The following CEP170 variants were observed in gnomAD, a reference collection of about 807,000 sequenced individuals.
The protein encoded by CEP170 is centrosomal protein of 170 kDa.
Under a neutral mutation model 151.9 loss-of-function variants are expected in CEP170, and 21 were observed. The observed-to-expected ratio is 0.14, with a 90% CI of 0.10 to 0.20. CEP170 has a LOEUF of 0.20. Ranked by LOEUF, CEP170 falls within the 10% of genes least tolerant of loss-of-function variation. CEP170 has a pLI of 1.00. For missense variants in CEP170, 964 were observed against 1,892.9 expected, an observed-to-expected ratio of 0.51 and a Z score of 9.11; for synonymous variants, 356 against 648.8, an observed-to-expected ratio of 0.55 and a Z score of 6.86.
intron 17 of CEP170, among the ~76,000 whole-genome samples, chr1:243,130,559 C>T (rs1302856103): frequency 6.6e-6 from 1 of 152,194 alleles, no homozygotes; most frequent in Non-Finnish European, 1.5e-5. Flanking sequence ...GATGTAAATA[C>T]TAGCTACTTT....
intron 17 of CEP170, among the ~76,000 whole-genome samples, chr1:243,131,625 A>G (rs972211882): frequency 1.3e-5 from 2 of 152,058 alleles, no homozygotes; most frequent in Non-Finnish European, 2.9e-5. Context: ...TTTAATATTT[A>G]AATACTAGAG....
chr1:243,179,441 TTTC>T (rs2059475649), intron 10 of CEP170, among the ~76,000 whole-genome samples: 2 of 152,216 alleles, frequency 1.3e-5, no homozygotes, highest in African/African-American at 2.4e-5. Context: ...AATTTATACA[TTTC>T]TTCTTCTTCT....
intron 10 of CEP170, among the ~76,000 whole-genome samples, chr1:243,184,289 A>T (rs145299987): frequency 6.6e-6 from 1 of 152,114 alleles, no homozygotes; most frequent in Non-Finnish European, 1.5e-5. Context: ...AAGCACATGC[A>T]AAGTTTATAT....
chr1:243,151,234 C>G (rs2057043992), intron 14 of CEP170, among the ~76,000 whole-genome samples: 1 of 151,452 alleles, frequency 6.6e-6, no homozygotes, highest in African/African-American at 2.4e-5. Context: ...AAAATACAAC[C>G]TATCTTCTTT....
chr1:243,140,008 G>A lies in CEP170; in HGVS notation c.4159C>T (p.Pro1387Ser). 4 of 1,613,902 alleles carry A rather than the reference G, an allele frequency of 2.5e-6. 1 individual carries two copies. The South Asian group carries it at 4.4e-5, about 18-fold the overall frequency. The part of the protein sequence containing the change: ...PEGNNGRSGD[P>S]RPQAAEPPDH... ...GGAGGCTCTGCTGCTTGAGGTCTTG[G>A]ATCACCAGATCGACCGTTGTTTCCT... The change falls in exon 16 of 20, where the codon CCA becomes TCA. Residue 1387 changes from proline (P) to serine (S), a missense_variant. Coordinates refer to ENST00000366542, the MANE Select transcript of CEP170 (RefSeq NM_014812.3).
intron 14 of CEP170, among the ~76,000 whole-genome samples, chr1:243,147,640 T>C (rs1208595759): frequency 2.0e-5 from 3 of 152,222 alleles, no homozygotes; most frequent in African/African-American, 7.2e-5. Context: ...TATGGATCCT[T>C]GAAATGTTTC....
At chr1:243,244,474 G>A (rs765060641) in intron 1 of CEP170, among the ~76,000 whole-genome samples, 1 of 152,144 alleles carries the variant, frequency 6.6e-6, no homozygotes, top group Non-Finnish European at 1.5e-5. Flanking sequence ...CAGGAGCCGT[G>A]GCTCACGCCT....
At chr1:243,175,555 T>TA (rs1351688990) in intron 10 of CEP170, among the ~76,000 whole-genome samples, 5 of 152,202 alleles carry the variant, frequency 3.3e-5, no homozygotes, top group Non-Finnish European at 7.3e-5. Flanking sequence ...TCTATATACT[T>TA]AAAGTTAGTG....
Position 243,164,631 on chromosome 1 carries a change from T to C in CEP170, c.3329A>G (p.Glu1110Gly), listed in dbSNP as rs985399423. Residue 1110 changes from glutamate (E) to glycine (G), a missense_variant, in exon 13 of 20, where the codon GAA becomes GGA. By Grantham distance (98) the Glu-to-Gly change is moderately conservative. Coordinates refer to ENST00000366542, the MANE Select transcript of CEP170 (RefSeq NM_014812.3). The stretch of plus-strand genomic sequence containing the variant: ...ATCAGCAAGTTCACTGTCTGAAGCT[T>C]CACCAAGTCGTGCTCTGCGCAAGAG... ...TSLLRRARLG[E>G]ASDSELADAD... The C allele has an allele frequency of 6.2e-7, 1 of 1,613,644 alleles. No homozygotes were observed. Among genetic ancestry groups the C allele is most frequent in the African/African-American group, 1.3e-5 (1 of 74,906 alleles).
chr1:243,248,063 T>C (rs951719788), intron 1 of CEP170, among the ~76,000 whole-genome samples: 2 of 152,216 alleles, frequency 1.3e-5, no homozygotes, highest in African/African-American at 4.8e-5. Context: ...TTGGCCTCTT[T>C]ATGAGTAAAA....
At chr1:243,205,941 A>C (rs1481059656) in intron 4 of CEP170, among the ~76,000 whole-genome samples, 1 of 151,978 alleles carries the variant, frequency 6.6e-6, no homozygotes, top group African/African-American at 2.4e-5. Context: ...AGAAAGAAGA[A>C]GAAAGAAGGA....
intron 4 of CEP170, among the ~76,000 whole-genome samples, chr1:243,207,462 A>T (rs1454733021): frequency 1.3e-5 from 2 of 152,244 alleles, no homozygotes; most frequent in Non-Finnish European, 2.9e-5. Context: ...CCCTTTCTTA[A>T]TAATTGAAAG....
At chr1:243,215,535 G>A (rs148567052) in intron 3 of CEP170, among the ~76,000 whole-genome samples, 2,232 of 152,188 alleles carry the variant, frequency 0.015, 53 homozygotes, top group African/African-American at 0.05. Context: ...CCAGTCTCCC[G>A]TAGCACTCCC....
chr1:243,212,254 T>C (rs1252521718), intron 3 of CEP170, among the ~76,000 whole-genome samples: 1 of 152,238 alleles, frequency 6.6e-6, no homozygotes, highest in African/African-American at 2.4e-5. Context: ...AATCTAAAGC[T>C]GGCAAACCGC....
intron 4 of CEP170, among the ~76,000 whole-genome samples, chr1:243,204,264 T>C: frequency 6.6e-6 from 1 of 152,182 alleles, no homozygotes; most frequent in East Asian, 1.9e-4. Flanking sequence ...CCCTTGATCA[T>C]TCAGCAGCCG....
At chr1:243,169,802 T>G (rs778632889) in intron 11 of CEP170, 48 bp from the exon 12 acceptor site, 1 of 1,570,262 alleles carries the variant, frequency 6.4e-7, no homozygotes, top group Non-Finnish European at 8.6e-7. Flanking sequence ...TGGTCATATC[T>G]GAGTCTCATG....
chr1:243,159,422 T>C (rs945714669), intron 13 of CEP170, among the ~76,000 whole-genome samples: 2 of 152,212 alleles, frequency 1.3e-5, no homozygotes, highest in Admixed American at 6.5e-5. Context: ...TCTCAAAGAA[T>C]TTATTTCAAA....
chr1:243,159,191 G>A (rs1178783567), intron 13 of CEP170, among the ~76,000 whole-genome samples: 1 of 152,154 alleles, frequency 6.6e-6, no homozygotes, highest in Non-Finnish European at 1.5e-5. Context: ...GCATACAGCA[G>A]AGAAATAAAA....
At chr1:243,204,811 C>A (rs1239806882) in intron 4 of CEP170, among the ~76,000 whole-genome samples, 2 of 152,094 alleles carry the variant, frequency 1.3e-5, no homozygotes, top group Non-Finnish European at 2.9e-5. Flanking sequence ...TTAGCTTCTA[C>A]TTCACCCCTG....
Sources: allele counts gnomAD v4.1 joint callset (sites outside exome capture counted in the v4.1 genomes callset), GRCh38; gene constraint gnomAD v4.1.1; transcripts MANE v1.5; gene names NCBI Gene and HGNC (gene_info 2026-07-23, HGNC 2026-07-21).